COL17A1: variants seen among roughly 807,000 people sequenced by gnomAD.
COL17A1 encodes collagen type XVII alpha 1 chain.
A neutral mutation model predicts 218.4 loss-of-function variants in COL17A1; 181 were observed. The observed-to-expected ratio is 0.83, with a 90% CI of 0.73 to 0.94. The LOEUF (loss-of-function observed/expected upper bound fraction) is 0.94. COL17A1 is among the 40% of genes least tolerant of loss of function. COL17A1 has a pLI of 0.00. For synonymous variants in COL17A1, 721 were observed against 731.0 expected, an observed-to-expected ratio of 0.99 and a Z score of 0.22; for missense variants, 1,924 against 1,945.9, an observed-to-expected ratio of 0.99 and a Z score of 0.21.
intron 9 of COL17A1, among the ~76,000 whole-genome samples, chr10:104,069,861 A>C (rs2086655338): frequency 6.6e-6 from 1 of 152,170 alleles, no homozygotes; most frequent in African/African-American, 2.4e-5. Flanking sequence ...CTGAAACGTG[A>C]CAACGAACAG....
At chr10:104,054,246 A>G in intron 20 of COL17A1, 128 bp from the exon 21 acceptor site, 1 of 866,238 alleles carries the variant, frequency 1.2e-6, no homozygotes, top group East Asian at 2.6e-5. Flanking sequence ...GTCCAGTTAC[A>G]TTTGAATTGC....
At chr10:104,076,279 G>A (rs1488278899) in intron 5 of COL17A1, 22 bp downstream of exon 5, 1 of 1,613,692 alleles carries the variant, frequency 6.2e-7, no homozygotes, top group African/African-American at 1.3e-5. Context: ...TGGTTCTCTT[G>A]TATGGTTAGT....
chr10:104,071,932 G>A (rs2086672457), intron 8 of COL17A1, 100 bp downstream of exon 8: 1 of 1,532,852 alleles, frequency 6.5e-7, no homozygotes, highest in Non-Finnish European at 9.0e-7. Context: ...ACATGTGTGT[G>A]CATGCATGCA....
intron 48 of COL17A1, 48 bp from the exon 49 acceptor site, chr10:104,035,611 C>T: frequency 6.8e-7 from 1 of 1,464,338 alleles, no homozygotes; most frequent in South Asian, 1.2e-5. Context: ...CAGATGGAAA[C>T]ACCTGTCAGA....
At chr10:104,046,346 T>TG (rs2086409333) in intron 32 of COL17A1, among the ~76,000 whole-genome samples, 1 of 152,222 alleles carries the variant, frequency 6.6e-6, no homozygotes, top group African/African-American at 2.4e-5. Flanking sequence ...ACACTGAGGC[T>TG]GTCCCAGAGA....
Position 104,053,945 on chromosome 10 carries a change from T to C in COL17A1, c.1809A>G (p.Gly603=). The change falls in exon 22 of 56, where the codon GGA becomes GGG. Residue 603 remains glycine (G), a synonymous_variant. Transcript: ENST00000648076. ...PGPLGHPGPQ[G]PKGQKGSVGD... is the part of the protein sequence containing the mutation. ...CCACGCTGCCTTTTTGACCCTTTGG[T>C]CCTTGTGGACCTGGGTGGCCCAAGG... The C allele has an allele frequency of 1.9e-6, 3 of 1,607,698 alleles. No homozygotes were observed. Among genetic ancestry groups the C allele is most frequent in the Non-Finnish European group, 2.6e-6 (3 of 1,174,064 alleles).
chr10:104,039,390 T>A, intron 43 of COL17A1, 55 bp downstream of exon 43: 1 of 1,574,462 alleles, frequency 6.4e-7, no homozygotes. Flanking sequence ...CTCTGGGCTC[T>A]GGGCACCAGG....
chr10:104,083,255 G>C (rs1177020924), intron 1 of COL17A1, among the ~76,000 whole-genome samples: 2 of 152,158 alleles, frequency 1.3e-5, no homozygotes, highest in African/African-American at 2.4e-5. Context: ...GTTAGGAAAA[G>C]GAACGTTTCC....
At chr10:104,067,524 G>C (rs187878732) in intron 9 of COL17A1, among the ~76,000 whole-genome samples, 85 of 152,184 alleles carry the variant, frequency 5.6e-4, no homozygotes, top group African/African-American at 1.8e-3. Context: ...AAACGAATTG[G>C]AAAAAGAGAA....
chr10:104,055,285 C>T, intron 19 of COL17A1, 87 bp downstream of exon 19: 1 of 1,601,526 alleles, frequency 6.2e-7, no homozygotes, highest in Non-Finnish European at 8.6e-7. Flanking sequence ...CCATTTAGAA[C>T]AAAGAAAAAG....
rs140910339 is a variant in COL17A1 at position 104,033,722 on chromosome 10, T to C, written c.4156+223A>G. On this transcript the variant is annotated intron_variant, in intron 52 of 55. Coordinates refer to ENST00000648076, the MANE Select transcript of COL17A1 (RefSeq NM_000494.4). The stretch of plus-strand genomic sequence containing the variant: ...CGAGCTAGGTGTTGGGAAAACAAAG[T>C]ACAAAGCCCCCAGCGTGCTCTGTTC... 5.6e-4 allele frequency among the ~76,000 whole-genome samples: 86 copies of C among 152,246 alleles called. 1 individual carries two copies. Among genetic ancestry groups the C allele is most frequent in the Non-Finnish European group, 8.7e-4 (59 of 68,004 alleles).
In COL17A1 at chr10:104,045,756, A is replaced by G; in HGVS notation, c.2398+2T>C. The G allele has an allele frequency of 6.2e-7, 1 of 1,610,394 alleles. No homozygotes were observed. Among genetic ancestry groups the G allele is most frequent in the Non-Finnish European group, 8.5e-7 (1 of 1,176,490 alleles). ...AGAAATCTCATTTGGAAATTCACTT[A>G]CCTTTTATTCCTGGTCGGCCAGGGG... On this transcript the variant is annotated splice_donor_variant, in intron 33 of 55. Transcript: ENST00000648076. LOFTEE classifies it high-confidence loss of function.
chr10:104,034,750 T>C lies in COL17A1; in HGVS notation c.3637A>G (p.Ile1213Val). 1 of 1,612,402 alleles carries C rather than the reference T, an allele frequency of 6.2e-7. No homozygotes were observed. The highest frequency in any genetic ancestry group is 8.5e-7 in the Non-Finnish European group (1 of 1,179,612). Reference protein sequence around the residue: ...SYLHTAGLSFIPGPPGPPGPP... With the variant: ...SYLHTAGLSFVPGPPGPPGPP... ...CCAGGAGGTCCTGGAGGGCCTGGGA[T>C]GAATGACAAGCCGGCAGCTGGGCAG... Residue 1213 changes from isoleucine to valine, a missense_variant, in exon 51 of 56, where the codon ATC becomes GTC. By Grantham distance (29) the Ile-to-Val change is conservative. Coordinates refer to ENST00000648076, the MANE Select transcript of COL17A1 (RefSeq NM_000494.4).
intron 5 of COL17A1, among the ~76,000 whole-genome samples, chr10:104,075,687 A>G (rs908075228): frequency 6.6e-6 from 1 of 152,240 alleles, no homozygotes; most frequent in South Asian, 2.1e-4. Flanking sequence ...AATAAAGTCT[A>G]AACATCTTAT....
At position 104,050,863 on chromosome 10, in the gene COL17A1, G is replaced by A. The variant is rs905447643; in HGVS notation, c.2077C>T (p.Leu693Phe). ...GLQGLRGEVG[L>F]PGVKGDKGPM... ...TCCAGCTTACCTTTGACACCAGGAA[G>A]TCCTACTTCACCTCGGAGCCCTTGG... The change falls in exon 26 of 56, where the codon CTT becomes TTT. Residue 693 changes from leucine (L) to phenylalanine (F), a missense_variant. Coordinates refer to ENST00000648076, the MANE Select transcript of COL17A1 (RefSeq NM_000494.4). 6 of 1,614,010 alleles carry A rather than the reference G, an allele frequency of 3.7e-6. No homozygotes were observed. The African/African-American group carries it at 8.0e-5, about 22-fold the overall frequency.
In COL17A1 at chr10:104,060,156, C is replaced by T; in HGVS notation, c.1104G>A (p.Gly368=). 6.2e-7 allele frequency: 1 copy of T among 1,614,158 alleles called. No individual in the cohort carries two copies. The highest frequency in any genetic ancestry group is 1.1e-5 in the South Asian group (1 of 91,078). The change falls in exon 14 of 56, where the codon GGG becomes GGA. Residue 368 remains glycine, a synonymous_variant. Coordinates refer to ENST00000648076, the MANE Select transcript of COL17A1 (RefSeq NM_000494.4). The part of the protein sequence containing the change: ...MELLIMTKDS[G]KVFTASPASI... ...TGGCAGGGGAGGCTGTAAAGACCTTCCCGCTGTCCTTGGTCATGATGAGCA... is the reference window on the plus strand; with the variant it reads ...TGGCAGGGGAGGCTGTAAAGACCTTTCCGCTGTCCTTGGTCATGATGAGCA...
At chr10:104,068,281 C>G (rs1369046372) in intron 9 of COL17A1, among the ~76,000 whole-genome samples, 1 of 18,726 alleles carries the variant, frequency 5.3e-5, no homozygotes, top group Non-Finnish European at 3.3e-4. Flanking sequence ...AAAGAGGCAT[C>G]AAATCATAAC....
Position 104,076,234 on chromosome 10 carries a change from T to A in COL17A1, c.331+67A>T, listed in dbSNP as rs2086708778. 4 of 1,610,736 alleles carry A rather than the reference T, an allele frequency of 2.5e-6. No homozygotes were observed. In the African/African-American group the frequency reaches 5.3e-5, roughly 22 times the overall value. On this transcript the variant is annotated intron_variant, in intron 5 of 55. Coordinates refer to ENST00000648076, the MANE Select transcript of COL17A1 (RefSeq NM_000494.4). ...GACACAGGTGGCCAGCATGTAAATC[T>A]TCAAAGAATGAGTGAAGTTGCTTGG... is the stretch of plus-strand genomic sequence containing the variant.
At chr10:104,034,384 A>ACT (rs2086252245) in intron 51 of COL17A1, 50 bp from the exon 52 acceptor site, 1 of 1,524,384 alleles carries the variant, frequency 6.6e-7, no homozygotes, top group Non-Finnish European at 8.8e-7. Flanking sequence ...CGGTGGAGAG[A>ACT]AAGACTTGGG....
Sources: allele counts gnomAD v4.1 joint callset (sites outside exome capture counted in the v4.1 genomes callset), GRCh38; gene constraint gnomAD v4.1.1; transcripts MANE v1.5; gene names NCBI Gene and HGNC (gene_info 2026-07-23, HGNC 2026-07-21).